Variants in CNTNAP4 observed in about 807,000 individuals in gnomAD.
CNTNAP4 encodes contactin associated protein family member 4.
In CNTNAP4, 98 loss-of-function variants were observed where a neutral mutation model predicts 148.4. That is an observed-to-expected ratio of 0.66 (90% CI 0.56 to 0.78). The LOEUF (loss-of-function observed/expected upper bound fraction) is 0.78, where lower values mean the gene tolerates loss of function less well. Among genes scored for constraint, CNTNAP4 ranks in the 30% least tolerant of loss-of-function variants. CNTNAP4 has a pLI of 0.00. For synonymous variants in CNTNAP4, 730 were observed against 565.1 expected (o/e 1.29, Z -4.14); for missense variants, 1,935 against 1,565.6 (o/e 1.24, Z -3.98).
intron 18 of CNTNAP4, among the ~76,000 whole-genome samples, chr16:76,536,594 T>C (rs1224891086): frequency 6.6e-6 from 1 of 152,180 alleles, no homozygotes; most frequent in Non-Finnish European, 1.5e-5. Context: ...TTTCCAGAAA[T>C]ATAAACAATA....
At chr16:76,347,891 AACTTCGTCTTTC>A (rs1465294076) in intron 2 of CNTNAP4, among the ~76,000 whole-genome samples, 2 of 152,174 alleles carry the variant, frequency 1.3e-5, no homozygotes, top group African/African-American at 2.4e-5. Flanking sequence ...GCATAGTGAG[AACTTCGTCTTTC>A]ACTCTGTAGA....
intron 10 of CNTNAP4, among the ~76,000 whole-genome samples, chr16:76,471,734 G>A (rs1207959252): frequency 6.6e-6 from 1 of 152,140 alleles, no homozygotes. Flanking sequence ...GAAGATCGTG[G>A]TGTTATTCCG....
rs1232591797 is a variant in CNTNAP4 at position 76,522,686 on chromosome 16, CCTTTCTTTTCTTTTCTTTT to C, written c.2755+434_2755+452del. On this transcript the variant is annotated intron_variant, in intron 17 of 23. Coordinates refer to ENST00000611870, the MANE Select transcript of CNTNAP4 (RefSeq NM_033401.5). ...TCTTTCCTTCTTTCTCTCTTTCTCT[CCTTTCTTTTCTTTTCTTTT>C]CTTTTCTTTTCTTTTCTTTTCTTTT... is the stretch of plus-strand genomic sequence containing the variant. Among the ~76,000 whole-genome samples, 473 of 79,650 alleles carry C rather than the reference CCTTTCTTTTCTTTTCTTTT, an allele frequency of 5.9e-3. 76 individuals carry two copies. The highest frequency in any genetic ancestry group is 0.018 in the African/African-American group (405 of 22,286). The allele number at this position is 79,650 out of a possible 152,430, so 52.3% of individuals were successfully genotyped here.
chr16:76,460,741 A>T (rs8044099), intron 8 of CNTNAP4, among the ~76,000 whole-genome samples: 1 of 98,884 alleles, frequency 1.0e-5, no homozygotes, highest in South Asian at 4.1e-4. Context: ...CGACAGAGCC[A>T]GACTCATGTC....
At chr16:76,287,671 G>C (rs1243347623) in intron 1 of CNTNAP4, 1 of 152,178 alleles carries the variant, frequency 6.6e-6, no homozygotes, top group South Asian at 2.1e-4. Context: ...TCGTGTTAGC[G>C]ATGGCCAGGG....
chr16:76,293,317 G>T (rs1208700794), intron 1 of CNTNAP4, among the ~76,000 whole-genome samples: 2 of 151,994 alleles, frequency 1.3e-5, no homozygotes, highest in Non-Finnish European at 2.9e-5. Flanking sequence ...TAGAGACGGG[G>T]TTTCACCATG....
chr16:76,451,648 A>G (rs1342379296), intron 7 of CNTNAP4, among the ~76,000 whole-genome samples: 14 of 104,008 alleles, frequency 1.3e-4, no homozygotes, highest in Non-Finnish European at 9.2e-5. Flanking sequence ...TTATCCATAA[A>G]ATGAGTTTCT....
intron 3 of CNTNAP4, among the ~76,000 whole-genome samples, chr16:76,386,900 G>A (rs1304890070): frequency 6.6e-6 from 1 of 152,162 alleles, no homozygotes; most frequent in East Asian, 1.9e-4. Context: ...AGAGGAGGCT[G>A]TGGAAGGAGA....
chr16:76,300,856 A>G lies in CNTNAP4; in HGVS notation c.86-15557A>G, dbSNP rs1597121766. ...TTTGCAGTACATTAGACACTATGAC[A>G]TATGTTAGGGAAGTACCTGGATGTC... On this transcript the variant is annotated intron_variant, in intron 1 of 23. Transcript: ENST00000611870. Among the ~76,000 whole-genome samples, 6 of 152,260 alleles carry G rather than the reference A, an allele frequency of 3.9e-5. No individual in the cohort carries two copies. The South Asian group carries it at 8.3e-4, about 21-fold the overall frequency.
chr16:76,464,669 G>A (rs756300316), intron 9 of CNTNAP4, among the ~76,000 whole-genome samples: 2 of 152,128 alleles, frequency 1.3e-5, no homozygotes, highest in Admixed American at 6.5e-5. Flanking sequence ...TGTTCCAACA[G>A]CCCGGGTTAT....
intron 2 of CNTNAP4, among the ~76,000 whole-genome samples, chr16:76,329,972 G>A (rs191517377): frequency 3.3e-5 from 5 of 152,070 alleles, no homozygotes; most frequent in East Asian, 1.9e-4. Flanking sequence ...CCTGTCCTTC[G>A]CCAGAGCCTC....
At chr16:76,455,361 G>A (rs2080686267) in intron 8 of CNTNAP4, among the ~76,000 whole-genome samples, 1 of 152,182 alleles carries the variant, frequency 6.6e-6, no homozygotes, top group African/African-American at 2.4e-5. Flanking sequence ...GCCTGGCAGA[G>A]GCAGGCTTGC....
chr16:76,449,605 A>G, intron 6 of CNTNAP4, 110 bp from the exon 7 acceptor site: 1 of 884,258 alleles, frequency 1.1e-6, no homozygotes, highest in African/African-American at 1.8e-5. Context: ...GTGTAGGGTT[A>G]TGAAAAATTG....
chr16:76,378,003 C>A (rs943606902), intron 3 of CNTNAP4, among the ~76,000 whole-genome samples: 29 of 152,222 alleles, frequency 1.9e-4, no homozygotes, highest in Non-Finnish European at 4.1e-4. Context: ...ACACCTCTCA[C>A]AACTACCAAC....
At chr16:76,301,869 C>G (rs141316395) in intron 1 of CNTNAP4, among the ~76,000 whole-genome samples, 47 of 152,176 alleles carry the variant, frequency 3.1e-4, no homozygotes, top group African/African-American at 1.1e-3. Context: ...TGGTTTTGCA[C>G]AGGAATAATC....
intron 3 of CNTNAP4, among the ~76,000 whole-genome samples, chr16:76,365,620 C>T (rs936354954): frequency 2.6e-5 from 4 of 151,696 alleles, no homozygotes; most frequent in South Asian, 2.1e-4. Flanking sequence ...GGTATAGTGG[C>T]GGACACCTGT....
chr16:76,497,184 A>T (rs1476315231), intron 14 of CNTNAP4, among the ~76,000 whole-genome samples: 1 of 152,142 alleles, frequency 6.6e-6, no homozygotes, highest in African/African-American at 2.4e-5. Context: ...AATTAAATTC[A>T]CTGTTTACTT....
In CNTNAP4 at chr16:76,553,851, T is replaced by G. The variant is rs763227942; in HGVS notation, c.3677T>G (p.Ile1226Arg). ...TTAACTGCAGATCATTCTGGAACAATAGATGACAGAGAGCCCCTTGCTAAT... is the reference window on the plus strand; with the variant it reads ...TTAACTGCAGATCATTCTGGAACAAGAGATGACAGAGAGCCCCTTGCTAAT... ...THSFADHSGT[I>R]DDREPLANAI... Residue 1226 changes from isoleucine to arginine, a missense_variant, in exon 23 of 24, where the codon ATA becomes AGA. Physicochemically the swap from Ile to Arg is moderately conservative, Grantham distance 97. Coordinates refer to ENST00000611870, the MANE Select transcript of CNTNAP4 (RefSeq NM_033401.5). 5 of 1,611,766 alleles carry G rather than the reference T, an allele frequency of 3.1e-6. No individual in the cohort carries two copies. The highest frequency in any genetic ancestry group is 2.2e-5 in the East Asian group (1 of 44,846).
intron 3 of CNTNAP4, among the ~76,000 whole-genome samples, chr16:76,389,195 CT>C (rs2016751022): frequency 6.6e-6 from 1 of 152,142 alleles, no homozygotes; most frequent in South Asian, 2.1e-4. Flanking sequence ...GCAGAACAAG[CT>C]TTCTGTATGT....
Sources: allele counts gnomAD v4.1 joint callset (sites outside exome capture counted in the v4.1 genomes callset), GRCh38; gene constraint gnomAD v4.1.1; transcripts MANE v1.5; gene names NCBI Gene and HGNC (gene_info 2026-07-23, HGNC 2026-07-21).